Variants in TBC1D22A observed in about 807,000 individuals in gnomAD.
The protein encoded by TBC1D22A is putative GTPase activator.
A neutral mutation model predicts 60.2 loss-of-function variants in TBC1D22A; 38 were observed. The observed-to-expected ratio is 0.63, with a 90% CI of 0.49 to 0.83. The LOEUF (loss-of-function observed/expected upper bound fraction) is 0.83, where lower values mean the gene tolerates loss of function less well. TBC1D22A is among the 40% of genes least tolerant of loss of function. The pLI is 0.00. For synonymous variants in TBC1D22A, 302 were observed against 281.7 expected, an observed-to-expected ratio of 1.07 and a Z score of -0.72; for missense variants, 628 against 701.0, an observed-to-expected ratio of 0.90 and a Z score of 1.18.
At chr22:46,945,834 T>C (rs2072502954) in intron 8 of TBC1D22A, among the ~76,000 whole-genome samples, 1 of 152,212 alleles carries the variant, frequency 6.6e-6, no homozygotes, top group South Asian at 2.1e-4. Context: ...AAATAACTCA[T>C]CCACGGCCCA....
chr22:46,787,317 G>T (rs1286247831), intron 1 of TBC1D22A, among the ~76,000 whole-genome samples: 1 of 152,130 alleles, frequency 6.6e-6, no homozygotes, highest in African/African-American at 2.4e-5. Context: ...GAAACAACCA[G>T]ACCAGCAGCT....
chr22:47,033,389 G>A (rs1248098092), intron 10 of TBC1D22A, among the ~76,000 whole-genome samples: 1 of 152,224 alleles, frequency 6.6e-6, no homozygotes, highest in Admixed American at 6.5e-5. Context: ...AAGTAGAGGA[G>A]GACGGCCAGG....
intron 1 of TBC1D22A, among the ~76,000 whole-genome samples, chr22:46,789,776 C>A (rs1356340804): frequency 6.6e-6 from 1 of 152,010 alleles, no homozygotes; most frequent in Non-Finnish European, 1.5e-5. Flanking sequence ...TTGAACCCTT[C>A]TTTATTTTTT....
At chr22:46,929,810 C>T (rs554678598) in intron 8 of TBC1D22A, among the ~76,000 whole-genome samples, 7 of 152,238 alleles carry the variant, frequency 4.6e-5, no homozygotes, top group Admixed American at 2.0e-4. Context: ...GACTGCAGGC[C>T]TCGTGCTTAG....
Position 47,113,326 on chromosome 22 carries a change from G to A in TBC1D22A, c.1425+1723G>A, listed in dbSNP as rs374799667. Among the ~76,000 whole-genome samples the A allele has an allele frequency of 1.4e-4, 21 of 152,158 alleles. No homozygotes were observed. In the East Asian group the frequency reaches 1.9e-3, roughly 14 times the overall value. Reference sequence around the variant, plus strand: ...CATGGAGCTTGGATGTTCCTGCCTCGGTGGTGTCTGTGACTGGCTGGCTGG... The same window carrying A: ...CATGGAGCTTGGATGTTCCTGCCTCAGTGGTGTCTGTGACTGGCTGGCTGG... On this transcript the variant is annotated intron_variant, in intron 12 of 12. Coordinates refer to ENST00000337137, the MANE Select transcript of TBC1D22A (RefSeq NM_014346.5).
chr22:46,939,172 G>A lies in TBC1D22A; in HGVS notation c.1015+26984G>A, dbSNP rs978564925. 2.7e-4 allele frequency among the ~76,000 whole-genome samples: 41 copies of A among 152,080 alleles called. 1 individual carries two copies. The highest frequency in any genetic ancestry group is 7.4e-5 in the Non-Finnish European group (5 of 68,008). On this transcript the variant is annotated intron_variant, in intron 8 of 12. Transcript: ENST00000337137. ...AATGACAGGAAAATTGGCAGAGGAA[G>A]ACATTTCACCATTATTAAATGAATC...
rs557944541 is a variant in TBC1D22A at position 46,951,498 on chromosome 22, G to A, written c.1016-22792G>A. Among the ~76,000 whole-genome samples, 3 of 152,332 alleles carry A rather than the reference G, an allele frequency of 2.0e-5. No individual in the cohort carries two copies. In the South Asian group the frequency reaches 6.2e-4, roughly 32 times the overall value. ...GTACTGAAAATGTACAGTTGGGCCAGTTGTGCTAAGAGAGTGATGGGACAT... is the reference window on the plus strand; with the variant it reads ...GTACTGAAAATGTACAGTTGGGCCAATTGTGCTAAGAGAGTGATGGGACAT... On this transcript the variant is annotated intron_variant, in intron 8 of 12. Transcript: ENST00000337137.
intron 12 of TBC1D22A, among the ~76,000 whole-genome samples, chr22:47,163,544 C>A (rs2147212845): frequency 6.6e-6 from 1 of 152,310 alleles, no homozygotes; most frequent in East Asian, 1.9e-4. Flanking sequence ...ACACAGAAGG[C>A]AGACGGGTGA....
intron 11 of TBC1D22A, among the ~76,000 whole-genome samples, chr22:47,100,076 G>A (rs2065350283): frequency 6.6e-6 from 1 of 152,194 alleles, no homozygotes; most frequent in Admixed American, 6.5e-5. Context: ...TGTTTGCAAT[G>A]AAAACTCTAG....
At chr22:47,157,900 T>C (rs1194429383) in intron 12 of TBC1D22A, among the ~76,000 whole-genome samples, 1 of 151,470 alleles carries the variant, frequency 6.6e-6, no homozygotes, top group Non-Finnish European at 1.5e-5. Flanking sequence ...CCTGCCATGC[T>C]GGGTGTGAGG....
intron 11 of TBC1D22A, 145 bp from the exon 12 acceptor site, chr22:47,111,363 A>G: frequency 1.6e-6 from 1 of 643,880 alleles, no homozygotes; most frequent in Non-Finnish European, 2.7e-6. Context: ...TTTGAAATTA[A>G]GGCATTAAGT....
chr22:47,154,110 C>T (rs192987176), intron 12 of TBC1D22A, among the ~76,000 whole-genome samples: 137 of 152,252 alleles, frequency 9.0e-4, no homozygotes, highest in Non-Finnish European at 1.5e-3. Context: ...CAGGGGAGCT[C>T]CGGGACCTCC....
chr22:47,102,140 C>T (rs543936435), intron 11 of TBC1D22A, among the ~76,000 whole-genome samples: 2 of 152,350 alleles, frequency 1.3e-5, no homozygotes, highest in South Asian at 2.1e-4. Flanking sequence ...GAAGGTTCAT[C>T]GCTGAGGATC....
At chr22:47,084,839 A>G (rs1470095471) in intron 11 of TBC1D22A, among the ~76,000 whole-genome samples, 1 of 152,254 alleles carries the variant, frequency 6.6e-6, no homozygotes, top group African/African-American at 2.4e-5. Flanking sequence ...AATTAAGGAC[A>G]GTGTTTACCT....
chr22:46,793,906 C>A, intron 3 of TBC1D22A, 65 bp downstream of exon 3: 2 of 1,409,778 alleles, frequency 1.4e-6, no homozygotes, highest in Non-Finnish European at 1.9e-6. Context: ...GGCCAGAACA[C>A]ACTCACTGTG....
At chr22:46,814,443 C>T (rs2085506616) in intron 4 of TBC1D22A, among the ~76,000 whole-genome samples, 1 of 152,142 alleles carries the variant, frequency 6.6e-6, no homozygotes, top group South Asian at 2.1e-4. Context: ...GGCACAGGCT[C>T]TCCTGCCTGC....
At chr22:46,905,183 A>G (rs2069372481) in intron 7 of TBC1D22A, among the ~76,000 whole-genome samples, 2 of 152,212 alleles carry the variant, frequency 1.3e-5, no homozygotes, top group South Asian at 4.1e-4. Flanking sequence ...ATGATACTAA[A>G]TTGCTTTGGG....
chr22:46,861,657 G>A (rs1306598342), intron 4 of TBC1D22A, among the ~76,000 whole-genome samples: 1 of 152,234 alleles, frequency 6.6e-6, no homozygotes, highest in Non-Finnish European at 1.5e-5. Context: ...GCACCTCCCA[G>A]GAGGGGGAGG....
intron 7 of TBC1D22A, among the ~76,000 whole-genome samples, chr22:46,904,340 A>G (rs1386361337): frequency 3.5e-5 from 5 of 143,304 alleles, no homozygotes; most frequent in African/African-American, 1.1e-4. Flanking sequence ...AGTGATGTCT[A>G]TGTGGCGAGC....
Sources: allele counts gnomAD v4.1 joint callset (sites outside exome capture counted in the v4.1 genomes callset), GRCh38; gene constraint gnomAD v4.1.1; transcripts MANE v1.5; gene names NCBI Gene and HGNC (gene_info 2026-07-23, HGNC 2026-07-21).